HGSNAT: variants seen among roughly 807,000 people sequenced by gnomAD.
The protein encoded by HGSNAT is transmembrane protein 76.
Under a neutral mutation model 85.2 loss-of-function variants are expected in HGSNAT, and 59 were observed. The ratio of observed to expected loss-of-function variants is 0.69; its 90% CI spans 0.56 to 0.86. The LOEUF (loss-of-function observed/expected upper bound fraction) is 0.86. Among genes scored for constraint, HGSNAT ranks in the 40% least tolerant of loss-of-function variants. The pLI, the probability that HGSNAT is intolerant of heterozygous loss-of-function variation, is 0.00. For missense variants in HGSNAT, 756 were observed against 777.1 expected, an observed-to-expected ratio of 0.97 and a Z score of 0.32; for synonymous variants, 321 against 304.5, an observed-to-expected ratio of 1.05 and a Z score of -0.56.
In HGSNAT at chr8:43,197,652, C is replaced by A. The variant is rs201435854; in HGVS notation, c.1543-20C>A. Reference sequence around the variant, plus strand: ...AGATAATAATATAAAATGTTAACATCCTTCTCTTCCCCATTACAGGGGCTC... The same window carrying A: ...AGATAATAATATAAAATGTTAACATACTTCTCTTCCCCATTACAGGGGCTC... On this transcript the variant is annotated intron_variant, in intron 15 of 17. Coordinates refer to ENST00000379644, the MANE Select transcript of HGSNAT (RefSeq NM_152419.3). 1.1e-5 allele frequency: 17 copies of A among 1,572,740 alleles called. No homozygotes were observed. Among genetic ancestry groups the A allele is most frequent in the Middle Eastern group, 1.7e-4 (1 of 5,982 alleles).
intron 9 of HGSNAT, among the ~76,000 whole-genome samples, chr8:43,176,265 T>C (rs1013218894): frequency 1.1e-4 from 17 of 152,350 alleles, no homozygotes; most frequent in African/African-American, 3.6e-4. Context: ...CTTCTGCATA[T>C]GAATATCCAG....
At chr8:43,162,282 G>A (rs1803290758) in intron 5 of HGSNAT, among the ~76,000 whole-genome samples, 1 of 152,156 alleles carries the variant, frequency 6.6e-6, no homozygotes, top group Non-Finnish European at 1.5e-5. Flanking sequence ...AAACCCTGAA[G>A]CTTTGGGGAA....
intron 5 of HGSNAT, among the ~76,000 whole-genome samples, chr8:43,164,212 A>G (rs1803358393): frequency 6.6e-6 from 1 of 152,212 alleles, no homozygotes; most frequent in African/African-American, 2.4e-5. Context: ...GTGAGAGGAC[A>G]TATGAAGTAA....
Position 43,182,280 on chromosome 8 carries a change from T to A in HGSNAT, c.1128+20T>A. ...GCCTCGGTGAGAAACCATGTTTTAA[T>A]TAAGAAAAACTTTTTTTAAATTAAA... On this transcript the variant is annotated intron_variant, in intron 11 of 17. Coordinates refer to ENST00000379644, the MANE Select transcript of HGSNAT (RefSeq NM_152419.3). 1 of 1,584,966 alleles carries A rather than the reference T, an allele frequency of 6.3e-7. No homozygotes were observed.
At chr8:43,184,485 T>C (rs1221945707) in intron 11 of HGSNAT, among the ~76,000 whole-genome samples, 2 of 152,232 alleles carry the variant, frequency 1.3e-5, no homozygotes, top group Non-Finnish European at 2.9e-5. Context: ...ATGGGGTTGT[T>C]TGATTTCTTC....
intron 13 of HGSNAT, among the ~76,000 whole-genome samples, chr8:43,193,009 T>C (rs189766376): frequency 1.2e-3 from 189 of 152,262 alleles, no homozygotes; most frequent in African/African-American, 4.4e-3. Context: ...CAGCCAATCT[T>C]GGGGGCACCG....
intron 2 of HGSNAT, among the ~76,000 whole-genome samples, chr8:43,149,420 C>T (rs554124472): frequency 1.7e-4 from 26 of 151,946 alleles, no homozygotes; most frequent in Non-Finnish European, 2.9e-4. Context: ...AATTTTAGGC[C>T]GGGCGCGGTG....
At chr8:43,197,369 G>C in intron 15 of HGSNAT, 2 of 532,678 alleles carry the variant, frequency 3.8e-6, no homozygotes, top group East Asian at 3.2e-5. Context: ...GGGAAAGAGA[G>C]TTGCAAGGTT....
rs1266742984 is a variant in HGSNAT at position 43,200,458 on chromosome 8, G to A, written c.*889G>A. The stretch of plus-strand genomic sequence containing the variant: ...CCTTCCACCTCTTAGACATGGTGAG[G>A]TAACAGACATCAAAAGCTTTTCTGA... On this transcript the variant is annotated 3_prime_UTR_variant, in exon 18 of 18. Coordinates refer to ENST00000379644, the MANE Select transcript of HGSNAT (RefSeq NM_152419.3). 2.0e-5 allele frequency: 3 copies of A among 152,224 alleles called. No individual in the cohort carries two copies. Among genetic ancestry groups the A allele is most frequent in the African/African-American group, 7.2e-5 (3 of 41,466 alleles). The allele number at this position is 152,224 out of a possible 1,614,324, so 9.4% of individuals were successfully genotyped here.
chr8:43,143,291 T>TA (rs1451175220), intron 1 of HGSNAT, among the ~76,000 whole-genome samples: 1 of 152,162 alleles, frequency 6.6e-6, no homozygotes, highest in East Asian at 1.9e-4. Context: ...AAAACTAAAA[T>TA]AATTAGGACG....
intron 14 of HGSNAT, among the ~76,000 whole-genome samples, chr8:43,195,655 T>TGGATGAGGAGGAGGGAGTAGA (rs1804693298): frequency 1.5e-5 from 1 of 67,560 alleles, no homozygotes; most frequent in Non-Finnish European, 2.7e-5. Flanking sequence ...GAGGAGGGGC[T>TGGATGAGGAGGAGGGAGTAGA]GGAGGAGGAG....
Position 43,140,483 on chromosome 8 carries a change from A to G in HGSNAT, c.-14A>G, listed in dbSNP as rs1396219966. 22 of 995,096 alleles carry G rather than the reference A, an allele frequency of 2.2e-5. No individual in the cohort carries two copies. In the Admixed American group the frequency reaches 1.3e-3, roughly 60 times the overall value. The allele number at this position is 995,096 out of a possible 1,614,324, so 61.6% of individuals were successfully genotyped here. On this transcript the variant is annotated 5_prime_UTR_variant, in exon 1 of 18. Coordinates refer to ENST00000379644, the MANE Select transcript of HGSNAT (RefSeq NM_152419.3). ...CGCAGCGGGCAGGCAAGGGCGGCCG[A>G]GCGGGCGGCGGGCATGAGCGGGGCG...
rs754875934 is a variant in HGSNAT at position 43,158,710 on chromosome 8, A to T, written c.370A>T (p.Arg124Trp). 1.8e-5 allele frequency: 29 copies of T among 1,600,428 alleles called. No homozygotes were observed. The highest frequency in any genetic ancestry group is 1.9e-5 in the Non-Finnish European group (22 of 1,172,918). Residue 124 changes from arginine (R) to tryptophan (W), a missense_variant and splice_region_variant, in exon 3 of 18, where the codon AGG becomes TGG. Arg to Trp is a moderately radical substitution (Grantham distance 101, BLOSUM62 -3). Transcript: ENST00000379644. ...NDTLEEKEVC[R>W]LEYRFGEFGN... is the part of the protein sequence containing the mutation. Reference sequence around the variant, plus strand: ...CACCTTGGAAGAGAAAGAAGTTTGTAGGTTTGTGCCTGCTTTGTTGTGATC... The same window carrying T: ...CACCTTGGAAGAGAAAGAAGTTTGTTGGTTTGTGCCTGCTTTGTTGTGATC...
chr8:43,187,776 G>T (rs1643870687), intron 11 of HGSNAT, among the ~76,000 whole-genome samples: 1 of 152,188 alleles, frequency 6.6e-6, no homozygotes, highest in Non-Finnish European at 1.5e-5. Flanking sequence ...TGCAGTGTCT[G>T]GTACCGGTTG....
At chr8:43,148,616 C>G (rs1802788563) in intron 2 of HGSNAT, among the ~76,000 whole-genome samples, 1 of 148,956 alleles carries the variant, frequency 6.7e-6, no homozygotes, top group Admixed American at 6.7e-5. Flanking sequence ...GGTGAAACCC[C>G]ATCTCTATTA....
chr8:43,153,776 C>T (rs1802997012), intron 2 of HGSNAT, among the ~76,000 whole-genome samples: 1 of 152,164 alleles, frequency 6.6e-6, no homozygotes, highest in Non-Finnish European at 1.5e-5. Context: ...TTAGCTTTTA[C>T]ATACGAGTGA....
At chr8:43,147,127 T>C in intron 2 of HGSNAT, 64 bp downstream of exon 2, 1 of 906,640 alleles carries the variant, frequency 1.1e-6, no homozygotes. Flanking sequence ...TCCTTAATGC[T>C]CTCATGTCTA....
chr8:43,146,058 C>T (rs913470807), intron 1 of HGSNAT, among the ~76,000 whole-genome samples: 2 of 152,140 alleles, frequency 1.3e-5, no homozygotes, highest in African/African-American at 4.8e-5. Context: ...AATTGGCACA[C>T]GTGATTTTAG....
At chr8:43,188,838 G>A (rs540907937) in intron 11 of HGSNAT, among the ~76,000 whole-genome samples, 52 of 152,276 alleles carry the variant, frequency 3.4e-4, no homozygotes, top group African/African-American at 1.2e-3. Flanking sequence ...TGGTGTGGAT[G>A]TCCTTTTTGT....
Sources: gnomAD v4.1 joint callset for allele counts (sites outside exome capture counted in the v4.1 genomes callset) on GRCh38, gnomAD v4.1.1 for gene constraint, MANE v1.5 for transcripts, NCBI Gene and HGNC (gene_info 2026-07-23, HGNC 2026-07-21) for gene names.